The following KCNT2 variants were observed in gnomAD, a reference collection of about 807,000 sequenced individuals.
KCNT2 encodes potassium channel subfamily T member 2.
KCNT2 carries 67 observed loss-of-function variants against 153.8 expected under a neutral mutation model. The observed-to-expected ratio is 0.44, with a 90% CI of 0.36 to 0.53. The LOEUF (loss-of-function observed/expected upper bound fraction) is 0.53, where lower values mean the gene tolerates loss of function less well. Ranked by LOEUF, KCNT2 falls within the 20% of genes least tolerant of loss-of-function variation. The pLI, the probability that KCNT2 is intolerant of heterozygous loss-of-function variation, is 0.00. For missense variants in KCNT2, 975 were observed against 1,354.8 expected, an observed-to-expected ratio of 0.72 and a Z score of 4.40; for synonymous variants, 500 against 458.8, an observed-to-expected ratio of 1.09 and a Z score of -1.15.
chr1:196,311,051 C>G (rs1662128788), intron 21 of KCNT2, among the ~76,000 whole-genome samples: 1 of 151,870 alleles, frequency 6.6e-6, no homozygotes, highest in East Asian at 1.9e-4. Flanking sequence ...AGTCTCTCTT[C>G]ACTTTTCAGG....
chr1:196,284,989 G>A (rs1363508862), intron 23 of KCNT2, among the ~76,000 whole-genome samples: 1 of 152,112 alleles, frequency 6.6e-6, no homozygotes, highest in East Asian at 1.9e-4. Flanking sequence ...CTTCTTAATG[G>A]AAATATTTAG....
In KCNT2 at chr1:196,287,589, A is replaced by T. The variant is rs556384241; in HGVS notation, c.2596-1831T>A. On this transcript the variant is annotated intron_variant, in intron 22 of 27. Coordinates refer to ENST00000294725, the MANE Select transcript of KCNT2 (RefSeq NM_198503.5). The stretch of plus-strand genomic sequence containing the variant: ...GGAAATGAACTCTTCCCATCTCCAC[A>T]CATCTGAATCCTATTGATACCACCT... Among the ~76,000 whole-genome samples, 3 of 152,118 alleles carry T rather than the reference A, an allele frequency of 2.0e-5. No individual in the cohort carries two copies. In the East Asian group the frequency reaches 5.8e-4, roughly 29 times the overall value.
At chr1:196,327,633 G>A (rs1457146793) in intron 18 of KCNT2, among the ~76,000 whole-genome samples, 1 of 144,836 alleles carries the variant, frequency 6.9e-6, no homozygotes, top group South Asian at 2.1e-4. Flanking sequence ...TTAGTTAGTT[G>A]TCTGGAACAT....
chr1:196,516,633 G>A (rs77441207), intron 1 of KCNT2, among the ~76,000 whole-genome samples: 7,342 of 152,250 alleles, frequency 0.048, 506 homozygotes, highest in African/African-American at 0.15. Flanking sequence ...GAAAAAGCAG[G>A]CTGACTGCCT....
intron 22 of KCNT2, among the ~76,000 whole-genome samples, chr1:196,292,811 CAAAAAA>C (rs750026564): frequency 4.3e-5 from 3 of 69,298 alleles, no homozygotes; most frequent in Admixed American, 1.7e-4. Flanking sequence ...GACTCTGTCT[CAAAAAA>C]AAAAAAAAAA....
chr1:196,241,616 C>T (rs1654966785), intron 26 of KCNT2, among the ~76,000 whole-genome samples: 1 of 151,952 alleles, frequency 6.6e-6, no homozygotes, highest in Non-Finnish European at 1.5e-5. Flanking sequence ...TTATTAAAAA[C>T]ATTTGAACTC....
chr1:196,252,560 C>G (rs1358240181), intron 26 of KCNT2, among the ~76,000 whole-genome samples: 2 of 151,580 alleles, frequency 1.3e-5, no homozygotes, highest in Non-Finnish European at 3.0e-5. Context: ...GTTATTATAG[C>G]CAGACATTTT....
intron 12 of KCNT2, among the ~76,000 whole-genome samples, chr1:196,413,048 T>A (rs564990510): frequency 6.6e-6 from 1 of 151,702 alleles, no homozygotes; most frequent in Non-Finnish European, 1.5e-5. Context: ...TATATTCTTT[T>A]AAGGGATAAA....
intron 1 of KCNT2, among the ~76,000 whole-genome samples, chr1:196,576,279 C>A (rs553529739): frequency 3.3e-5 from 5 of 151,900 alleles, no homozygotes; most frequent in South Asian, 2.1e-4. Flanking sequence ...TTTTTTTGTT[C>A]CATTACTACC....
At chr1:196,468,737 T>C (rs1677826277) in intron 6 of KCNT2, among the ~76,000 whole-genome samples, 1 of 152,056 alleles carries the variant, frequency 6.6e-6, no homozygotes, top group Non-Finnish European at 1.5e-5. Context: ...TAAACAACAA[T>C]GACATTTGTC....
At chr1:196,386,744 G>A (rs16839848) in intron 13 of KCNT2, among the ~76,000 whole-genome samples, 8,772 of 151,984 alleles carry the variant, frequency 0.058, 395 homozygotes, top group Non-Finnish European at 0.085. Context: ...CAGAGTTAGC[G>A]TTCTCAAGAA....
At chr1:196,321,491 G>C (rs921451714) in intron 19 of KCNT2, among the ~76,000 whole-genome samples, 20 of 152,030 alleles carry the variant, frequency 1.3e-4, no homozygotes, top group Middle Eastern at 3.4e-3. Context: ...TTTAATCATT[G>C]TTATGCTTTA....
chr1:196,351,420 G>A (rs972920423), intron 14 of KCNT2, among the ~76,000 whole-genome samples: 38 of 151,882 alleles, frequency 2.5e-4, no homozygotes, highest in African/African-American at 5.8e-4. Flanking sequence ...GGTCCTTCAC[G>A]TCCCTTGTAA....
intron 26 of KCNT2, among the ~76,000 whole-genome samples, chr1:196,253,616 G>A (rs994514440): frequency 1.3e-4 from 19 of 151,358 alleles, no homozygotes; most frequent in Admixed American, 7.3e-4. Context: ...TTTCCCTGGG[G>A]AACAAAGTTA....
intron 8 of KCNT2, among the ~76,000 whole-genome samples, chr1:196,459,109 A>AT (rs930753537): frequency 0.018 from 2,742 of 148,934 alleles, 74 homozygotes; most frequent in African/African-American, 0.06. Flanking sequence ...TTTCTAGGGG[A>AT]TTTTTTTTTT....
At chr1:196,378,831 T>C (rs1395228352) in intron 13 of KCNT2, among the ~76,000 whole-genome samples, 4 of 147,858 alleles carry the variant, frequency 2.7e-5, no homozygotes, top group African/African-American at 9.8e-5. Context: ...ATATATTATA[T>C]ATATATAATG....
rs778759228 is a variant in KCNT2 at position 196,429,660 on chromosome 1, C to T, written c.736G>A (p.Gly246Arg). Residue 246 changes from glycine (G) to arginine (R), a missense_variant, in exon 9 of 28, where the codon GGG becomes AGG. By Grantham distance (125) the Gly-to-Arg change is moderately radical. Around this residue, in one of 6 missense-constraint regions of KCNT2, gnomAD observed 202 missense variants for 314.9 expected, o/e 0.64. Transcript: ENST00000294725. The part of the protein sequence containing the change: ...CIVTFSTVGF[G>R]DVTPETWSSK... ...GACCATGTTTCAGGAGTGACATCCC[C>T]GAAGCCCACAGTAGAAAACGTCACA... The T allele has an allele frequency of 1.9e-6, 3 of 1,612,662 alleles. No individual in the cohort carries two copies. Among genetic ancestry groups the T allele is most frequent in the Non-Finnish European group, 2.5e-6 (3 of 1,179,094 alleles).
intron 22 of KCNT2, among the ~76,000 whole-genome samples, chr1:196,291,990 T>C (rs1156758069): frequency 6.6e-6 from 1 of 152,148 alleles, no homozygotes; most frequent in Non-Finnish European, 1.5e-5. Flanking sequence ...AATAACATAG[T>C]AAGTAATCTA....
At chr1:196,392,492 G>T (rs921838245) in intron 13 of KCNT2, among the ~76,000 whole-genome samples, 1 of 151,362 alleles carries the variant, frequency 6.6e-6, no homozygotes, top group Non-Finnish European at 1.5e-5. Context: ...TGTCTATGTG[G>T]GTGTTATATG....
Sources: allele counts gnomAD v4.1 joint callset (sites outside exome capture counted in the v4.1 genomes callset), GRCh38; gene constraint gnomAD v4.1.1; regional missense constraint gnomAD v4.1.1; transcripts MANE v1.5; gene names NCBI Gene and HGNC (gene_info 2026-07-23, HGNC 2026-07-21).